Variants in EFR3B observed in about 807,000 individuals in gnomAD.
EFR3B encodes the protein protein EFR3 homolog B.
In EFR3B, 64 loss-of-function variants were observed where a neutral mutation model predicts 104.7. The ratio of observed to expected loss-of-function variants is 0.61; its 90% confidence interval spans 0.50 to 0.75. The LOEUF (loss-of-function observed/expected upper bound fraction) is 0.75. Among genes scored for constraint, EFR3B ranks in the 30% least tolerant of loss-of-function variants. The probability of loss-of-function intolerance (pLI) is 0.00; values close to 1 mark genes in which losing one functional copy is unlikely to be tolerated. For synonymous variants in EFR3B, 385 were observed against 417.9 expected, an observed-to-expected ratio of 0.92 and a Z score of 0.96; for missense variants, 750 against 1,078.5, an observed-to-expected ratio of 0.70 and a Z score of 4.27.
Position 25,137,513 on chromosome 2 carries a change from G to C in EFR3B, c.1722+11G>C. 6.4e-7 allele frequency: 1 copy of C among 1,551,716 alleles called. No homozygotes were observed. Among genetic ancestry groups the C allele is most frequent in the Non-Finnish European group, 8.7e-7 (1 of 1,146,972 alleles). ...GTGCTGGCTGTTCAGGTGGGGCCTG[G>C]TGTGCGCAGGGCATGGGGCTTGGGA... On this transcript the variant is annotated intron_variant, in intron 15 of 22. Transcript: ENST00000403714. The surrounding 1 kb of genome is among the most constrained non-coding windows in gnomAD (Gnocchi z 4.7).
intron 1 of EFR3B, among the ~76,000 whole-genome samples, chr2:25,047,120 G>A (rs1293351937): frequency 3.3e-5 from 5 of 152,164 alleles, no homozygotes; most frequent in South Asian, 4.2e-4. Context: ...AAAATAAAAA[G>A]GTAATATTAT....
chr2:25,153,092 G>C (rs1671059095), intron 21 of EFR3B, among the ~76,000 whole-genome samples: 1 of 152,176 alleles, frequency 6.6e-6, no homozygotes, highest in Admixed American at 6.6e-5. Context: ...AGTGGCTCAT[G>C]CCTGTACTCC....
chr2:25,066,571 A>T (rs895870153), intron 1 of EFR3B, among the ~76,000 whole-genome samples: 10 of 152,098 alleles, frequency 6.6e-5, no homozygotes, highest in Non-Finnish European at 1.3e-4. Context: ...CTTCATCTCC[A>T]TGGGGAGGCA....
At chr2:25,100,597 A>G (rs1407864994) in intron 3 of EFR3B, among the ~76,000 whole-genome samples, 1 of 152,064 alleles carries the variant, frequency 6.6e-6, no homozygotes, top group Non-Finnish European at 1.5e-5. Flanking sequence ...AGTTCACACC[A>G]TTCTCCTGCC....
At chr2:25,082,683 G>GCCA (rs1236208819) in intron 1 of EFR3B, among the ~76,000 whole-genome samples, 1 of 152,160 alleles carries the variant, frequency 6.6e-6, no homozygotes, top group African/African-American at 2.4e-5. Context: ...AGCACCCCCT[G>GCCA]CCACCACCAC....
At chr2:25,146,658 T>G (rs1257250556) in intron 19 of EFR3B, 1 of 152,218 alleles carries the variant, frequency 6.6e-6, no homozygotes, top group Non-Finnish European at 1.5e-5. Context: ...TCCTCACTAG[T>G]GGCCTCCTGG....
rs565267113 is a variant in EFR3B, at chr2:25,097,340, C to T, written c.212+4210C>T. ...TCTCTCTTTGCCCTCCCTGTCTTTC[C>T]GTACCCAACGCCACATACATCATCA... is the stretch of plus-strand genomic sequence containing the variant. On this transcript the variant is annotated intron_variant, in intron 3 of 22. Coordinates refer to ENST00000403714, the MANE Select transcript of EFR3B (RefSeq NM_014971.2). Among the ~76,000 whole-genome samples, 8 of 152,314 alleles carry T rather than the reference C, an allele frequency of 5.3e-5. No homozygotes were observed. In the East Asian group the frequency reaches 7.7e-4, roughly 15 times the overall value.
At chr2:25,106,973 G>C (rs983447105) in intron 4 of EFR3B, among the ~76,000 whole-genome samples, 3 of 152,186 alleles carry the variant, frequency 2.0e-5, no homozygotes, top group Admixed American at 2.0e-4. Context: ...AGGAGAAAAA[G>C]GAAGAGAAAG....
intron 3 of EFR3B, among the ~76,000 whole-genome samples, chr2:25,100,347 C>A (rs546845728): frequency 1.3e-5 from 2 of 152,280 alleles, no homozygotes; most frequent in South Asian, 4.1e-4. Flanking sequence ...TTTTAGGCAC[C>A]TTTAACATTT....
At chr2:25,090,580 C>A (rs868277696) in intron 1 of EFR3B, among the ~76,000 whole-genome samples, 1 of 152,218 alleles carries the variant, frequency 6.6e-6, no homozygotes, top group African/African-American at 2.4e-5. Context: ...GCAAACCTCA[C>A]TGGGGGCCAG....
chr2:25,076,863 G>C (rs1449512220), intron 1 of EFR3B, among the ~76,000 whole-genome samples: 2 of 152,234 alleles, frequency 1.3e-5, no homozygotes, highest in African/African-American at 4.8e-5. Context: ...GCCACTGACA[G>C]CTACTGATTT....
intron 3 of EFR3B, among the ~76,000 whole-genome samples, chr2:25,098,830 A>AT (rs1558601238): frequency 1.5e-4 from 18 of 117,178 alleles, no homozygotes; most frequent in African/African-American, 6.1e-4. Context: ...GTAAGTAGCC[A>AT]ATTTTTTTTT....
intron 1 of EFR3B, among the ~76,000 whole-genome samples, chr2:25,048,054 C>T (rs1308957671): frequency 6.6e-6 from 1 of 151,180 alleles, no homozygotes; most frequent in African/African-American, 2.4e-5. Context: ...ATCTCACTCT[C>T]CCCCAGGCTG....
At chr2:25,067,004 C>A (rs1406990786) in intron 1 of EFR3B, among the ~76,000 whole-genome samples, 1 of 152,158 alleles carries the variant, frequency 6.6e-6, no homozygotes, top group African/African-American at 2.4e-5. Context: ...ATAAAAATTA[C>A]ATTTATTTTC....
chr2:25,076,306 T>G (rs2149177037), intron 1 of EFR3B, among the ~76,000 whole-genome samples: 1 of 152,276 alleles, frequency 6.6e-6, no homozygotes, highest in African/African-American at 2.4e-5. Context: ...TACCCTGCCT[T>G]TTTTCTCCTA....
At chr2:25,073,337 T>A (rs1260153591) in intron 1 of EFR3B, among the ~76,000 whole-genome samples, 1 of 151,374 alleles carries the variant, frequency 6.6e-6, no homozygotes, top group Non-Finnish European at 1.5e-5. Flanking sequence ...CAAAACTGTG[T>A]ATATTATTTA....
At chr2:25,071,372 T>G (rs1278166911) in intron 1 of EFR3B, among the ~76,000 whole-genome samples, 2 of 151,652 alleles carry the variant, frequency 1.3e-5, no homozygotes, top group Non-Finnish European at 2.9e-5. Context: ...GCGATTCTCC[T>G]GCCTCGGCCT....
chr2:25,130,410 CA>C lies in EFR3B; in HGVS notation c.771-140del. ...CTCCAGCACTGGACTGGGACTACCC[CA>C]AGGCCCTTCAGGCTTCACTTCCTCA... On this transcript the variant is annotated intron_variant, in intron 7 of 22. Transcript: ENST00000403714. This position sits in a 1 kb window ranked among gnomAD's most constrained non-coding sequence, Gnocchi z 4.6. The C allele has an allele frequency of 1.2e-6, 1 of 827,306 alleles. No individual in the cohort carries two copies. The highest frequency in any genetic ancestry group is 2.0e-6 in the Non-Finnish European group (1 of 500,478). The allele number at this position is 827,306 out of a possible 1,614,324, so 51.2% of individuals were successfully genotyped here.
chr2:25,065,927 G>A (rs546537972), intron 1 of EFR3B, among the ~76,000 whole-genome samples: 42 of 152,260 alleles, frequency 2.8e-4, no homozygotes, highest in African/African-American at 8.9e-4. Flanking sequence ...CCTCCCGCAT[G>A]AAGGGAGGGA....
Sources: gnomAD v4.1 joint callset for allele counts (sites outside exome capture counted in the v4.1 genomes callset) on GRCh38, gnomAD v4.1.1 for gene constraint, Gnocchi (gnomAD v3.1) non-coding constraint, MANE v1.5 for transcripts, NCBI Gene and HGNC (gene_info 2026-07-23, HGNC 2026-07-21) for gene names.